The following KIF13A variants were observed in gnomAD, a reference collection of about 807,000 sequenced individuals.
The protein encoded by KIF13A is kinesin family member 13A, also known as kinesin-like protein KIF13A.
In KIF13A, 79 loss-of-function variants were observed where a neutral mutation model predicts 212.2. The observed-to-expected ratio is 0.37, with a 90% CI of 0.31 to 0.45. KIF13A has a LOEUF of 0.45. Among genes scored for constraint, KIF13A ranks in the 20% least tolerant of loss-of-function variants. The probability of loss-of-function intolerance (pLI) is 1.00; values close to 1 mark genes in which losing one functional copy is unlikely to be tolerated. For synonymous variants in KIF13A, 789 were observed against 808.6 expected (o/e 0.98, Z 0.41); for missense variants, 1,901 against 2,209.0 (o/e 0.86, Z 2.79).
intron 2 of KIF13A, among the ~76,000 whole-genome samples, chr6:17,957,381 T>C (rs1227223347): frequency 2.0e-5 from 3 of 152,190 alleles, no homozygotes; most frequent in Non-Finnish European, 4.4e-5. Flanking sequence ...GTGCTAGGGA[T>C]AGGGACCCTT....
chr6:17,904,961 C>T (rs999240950), intron 2 of KIF13A, among the ~76,000 whole-genome samples: 4 of 152,236 alleles, frequency 2.6e-5, no homozygotes, highest in African/African-American at 9.6e-5. Flanking sequence ...TATGAAGCCT[C>T]TGACTGTCAA....
Position 17,926,732 on chromosome 6 carries a change from GTATATTA to G in KIF13A, c.147-28559_147-28553del, listed in dbSNP as rs563610901. On this transcript the variant is annotated intron_variant, in intron 2 of 38. Coordinates refer to ENST00000259711, the MANE Select transcript of KIF13A (RefSeq NM_022113.6). This position sits in a 1 kb window ranked among gnomAD's most constrained non-coding sequence, Gnocchi z 4.3. ...AGTGTAATAAGTGGAGAATGTTTAA[GTATATTA>G]GGATATATTCAGATGATAAACAACT... 1.5e-3 allele frequency among the ~76,000 whole-genome samples: 223 copies of G among 152,260 alleles called. 1 individual carries two copies. The highest frequency in any genetic ancestry group is 5.1e-3 in the African/African-American group (213 of 41,556).
In KIF13A at chr6:17,776,781, T is replaced by G. The variant is rs1760021977; in HGVS notation, c.4170+496A>C. 1.3e-5 allele frequency among the ~76,000 whole-genome samples: 2 copies of G among 152,164 alleles called. No homozygotes were observed. The highest frequency in any genetic ancestry group is 4.8e-5 in the African/African-American group (2 of 41,438). On this transcript the variant is annotated intron_variant, in intron 34 of 38. Transcript: ENST00000259711. This position sits in a 1 kb window ranked among gnomAD's most constrained non-coding sequence, Gnocchi z 4.6. ...CAGTGTCCCCCCTGCTAGGATCAGT[T>G]TCTGTCAATTGGATTTTCTAGATTA...
At chr6:17,803,331 G>C (rs1762638578) in intron 20 of KIF13A, among the ~76,000 whole-genome samples, 2 of 152,004 alleles carry the variant, frequency 1.3e-5, no homozygotes, top group Admixed American at 1.3e-4. Flanking sequence ...TTTTTCCCAT[G>C]GGAAAAAGCT....
At chr6:17,979,460 A>C (rs1780866357) in intron 2 of KIF13A, among the ~76,000 whole-genome samples, 1 of 152,204 alleles carries the variant, frequency 6.6e-6, no homozygotes. Context: ...GGATTTGACA[A>C]AAGCTTTTAA....
chr6:17,893,254 C>T (rs73373105), intron 3 of KIF13A, among the ~76,000 whole-genome samples: 1,646 of 152,314 alleles, frequency 0.011, 22 homozygotes, highest in African/African-American at 0.038. Flanking sequence ...CTTGCCCTTA[C>T]CTGAGCACAG....
At chr6:17,862,623 T>C (rs1768909040) in intron 4 of KIF13A, among the ~76,000 whole-genome samples, 1 of 151,898 alleles carries the variant, frequency 6.6e-6, no homozygotes, top group African/African-American at 2.4e-5. Context: ...GGCAAAATAG[T>C]GAGACCCCTA....
chr6:17,808,733 T>G (rs1763188676), intron 18 of KIF13A, 35 bp downstream of exon 18: 1 of 1,589,168 alleles, frequency 6.3e-7, no homozygotes, highest in Admixed American at 1.8e-5. Flanking sequence ...TTTACTATTG[T>G]GCATCTTGCC....
chr6:17,859,328 C>T (rs1329909722), intron 4 of KIF13A, among the ~76,000 whole-genome samples: 1 of 151,872 alleles, frequency 6.6e-6, no homozygotes, highest in Non-Finnish European at 1.5e-5. Flanking sequence ...GTAGGCCAAG[C>T]ATGGTGGCTC....
At chr6:17,877,016 T>C (rs745794272) in intron 3 of KIF13A, among the ~76,000 whole-genome samples, 2 of 152,180 alleles carry the variant, frequency 1.3e-5, no homozygotes, top group Non-Finnish European at 2.9e-5. Flanking sequence ...AAGCCTGCAA[T>C]GTTTATAGTA....
At chr6:17,779,221 TA>T in intron 32 of KIF13A, 122 bp from the exon 33 acceptor site, 1 of 574,612 alleles carries the variant, frequency 1.7e-6, no homozygotes, top group South Asian at 2.2e-5. Context: ...TAGATACTGA[TA>T]TTTTTTAAAG....
At chr6:17,965,874 T>A (rs2150596929) in intron 2 of KIF13A, among the ~76,000 whole-genome samples, 1 of 152,316 alleles carries the variant, frequency 6.6e-6, no homozygotes, top group African/African-American at 2.4e-5. Context: ...GGTGGTTGGA[T>A]AAAAGTAAGG....
chr6:17,961,406 CA>C lies in KIF13A; in HGVS notation c.146+25647del, dbSNP rs1778803165. Reference sequence around the variant, plus strand: ...GCATGAAAGGGACCTAAAACCACCCCAAAATTGGCCCAACAAGCACCAAGCA... The same window carrying C: ...GCATGAAAGGGACCTAAAACCACCCCAAATTGGCCCAACAAGCACCAAGCA... On this transcript the variant is annotated intron_variant, in intron 2 of 38. Coordinates refer to ENST00000259711, the MANE Select transcript of KIF13A (RefSeq NM_022113.6). The surrounding 1 kb of genome is among the most constrained non-coding windows in gnomAD (Gnocchi z 4.1). 6.6e-6 allele frequency among the ~76,000 whole-genome samples: 1 copy of C among 152,128 alleles called. No homozygotes were observed. The highest frequency in any genetic ancestry group is 2.4e-5 in the African/African-American group (1 of 41,418).
intron 2 of KIF13A, among the ~76,000 whole-genome samples, chr6:17,969,817 T>C (rs1318656060): frequency 1.3e-5 from 2 of 152,244 alleles, no homozygotes; most frequent in Non-Finnish European, 2.9e-5. Context: ...AAAATATATT[T>C]AGGATATTTA....
intron 2 of KIF13A, among the ~76,000 whole-genome samples, chr6:17,939,647 T>C (rs1776774403): frequency 6.6e-6 from 1 of 152,124 alleles, no homozygotes; most frequent in South Asian, 2.1e-4. Context: ...TAAAACAGCA[T>C]GAGGTAAAGA....
intron 3 of KIF13A, among the ~76,000 whole-genome samples, chr6:17,889,338 A>G (rs889943938): frequency 2.6e-5 from 4 of 152,252 alleles, no homozygotes; most frequent in Admixed American, 6.5e-5. Context: ...TTATAAACAT[A>G]GAAGTGAGAT....
rs962373653 is a variant in KIF13A at position 17,918,138 on chromosome 6, C to T, written c.147-19958G>A. On this transcript the variant is annotated intron_variant, in intron 2 of 38. Coordinates refer to ENST00000259711, the MANE Select transcript of KIF13A (RefSeq NM_022113.6). This position sits in a 1 kb window ranked among gnomAD's most constrained non-coding sequence, Gnocchi z 4.8. ...GTCTGCCCTGCTTGGTGTCATGGAC[C>T]CCACACCAGGCACATGGTAAGCACC... 6.6e-6 allele frequency among the ~76,000 whole-genome samples: 1 copy of T among 152,006 alleles called. No homozygotes were observed. The highest frequency in any genetic ancestry group is 1.5e-5 in the Non-Finnish European group (1 of 68,010).
Position 17,764,774 on chromosome 6 carries a change from T to C in KIF13A, c.4754A>G (p.Glu1585Gly), listed in dbSNP as rs775273707. 1 of 1,613,264 alleles carries C rather than the reference T, an allele frequency of 6.2e-7. No homozygotes were observed. Among genetic ancestry groups the C allele is most frequent in the Non-Finnish European group, 8.5e-7 (1 of 1,179,582 alleles). ...DLSNSRVLEK[E>G]VSRSPTTSSI... The stretch of plus-strand genomic sequence containing the variant: ...GCTGGTGGTAGGGCTACGGGACACT[T>C]CTTTCTCCAAGACCCGTGAGTTTGA... Residue 1585 changes from glutamate to glycine, a missense_variant, in exon 39 of 39, where the codon GAA becomes GGA. This residue lies in a region of KIF13A where 687 missense variants were observed against 759.1 expected (regional missense o/e 0.90). Coordinates refer to ENST00000259711, the MANE Select transcript of KIF13A (RefSeq NM_022113.6). The surrounding 1 kb of genome is among the most constrained non-coding windows in gnomAD (Gnocchi z 5.1).
intron 29 of KIF13A, among the ~76,000 whole-genome samples, chr6:17,782,229 C>G (rs572511302): frequency 9.9e-5 from 15 of 152,230 alleles, no homozygotes; most frequent in African/African-American, 3.6e-4. Context: ...GCCAACATAC[C>G]CGGCTGCTTT....
Sources: allele counts gnomAD v4.1 joint callset (sites outside exome capture counted in the v4.1 genomes callset), GRCh38; gene constraint gnomAD v4.1.1; regional missense constraint gnomAD v4.1.1; non-coding constraint Gnocchi (gnomAD v3.1); transcripts MANE v1.5; gene names NCBI Gene and HGNC (gene_info 2026-07-23, HGNC 2026-07-21).